DYNLT2B: variants seen among roughly 807,000 people sequenced by gnomAD.
DYNLT2B encodes the protein dynein light chain Tctex-type 2B.
A neutral mutation model predicts 19.5 loss-of-function variants in DYNLT2B; 14 were observed. The ratio of observed to expected loss-of-function variants is 0.72; its 90% CI spans 0.47 to 1.12. The LOEUF is 1.12. DYNLT2B is among the 50% of genes most tolerant of loss of function. The pLI is 0.00. For missense variants in DYNLT2B, 133 were observed against 174.7 expected (o/e 0.76, Z 1.35); for synonymous variants, 70 against 59.7 (o/e 1.17, Z -0.79).
chr3:196,310,109 C>CT (rs796738480), intron 2 of DYNLT2B, among the ~76,000 whole-genome samples: 5 of 93,458 alleles, frequency 5.3e-5, no homozygotes, highest in African/African-American at 1.1e-4. Flanking sequence ...AATTTTTTAA[C>CT]TTTTTTTTTG....
intron 2 of DYNLT2B, among the ~76,000 whole-genome samples, chr3:196,311,848 G>C (rs1024698213): frequency 6.6e-6 from 1 of 151,808 alleles, no homozygotes; most frequent in African/African-American, 2.4e-5. Context: ...GAGACGGGTG[G>C]GTCACCTGAG....
At chr3:196,305,780 G>C (rs1002442850) in intron 3 of DYNLT2B, 2 of 153,170 alleles carry the variant, frequency 1.3e-5, no homozygotes, top group Middle Eastern at 1.7e-3. Context: ...CAGCCTGGGT[G>C]AGGAAGCAAG....
chr3:196,291,408 G>C, intron 4 of DYNLT2B, 34 bp from the exon 5 acceptor site: 5 of 1,592,068 alleles, frequency 3.1e-6, no homozygotes, highest in Non-Finnish European at 4.3e-6. Context: ...CACACATCCA[G>C]AATGTTAGTA....
chr3:196,307,116 C>T, intron 2 of DYNLT2B, 104 bp from the exon 3 acceptor site: 1 of 945,910 alleles, frequency 1.1e-6, no homozygotes, highest in South Asian at 1.5e-5. Flanking sequence ...TCCACAAGTA[C>T]TTAATGAATA....
intron 3 of DYNLT2B, among the ~76,000 whole-genome samples, chr3:196,302,032 A>G (rs988798203): frequency 6.6e-5 from 10 of 151,896 alleles, no homozygotes; most frequent in Admixed American, 4.6e-4. Flanking sequence ...GCTTAAACCC[A>G]GGAGGTGAAG....
rs185249195 is a variant in DYNLT2B, at chr3:196,315,972, T to C, written c.247+126A>G. On this transcript the variant is annotated intron_variant, in intron 2 of 4. Transcript: ENST00000325318. ...TTCCTGCCTTGGCATGCTAAAGTGT[T>C]GGGATTGTAGGCGTGAGCCACCACA... is the stretch of plus-strand genomic sequence containing the variant. 1.2e-3 allele frequency: 1,264 copies of C among 1,022,356 alleles called. 2 individuals are homozygous for C. The highest frequency in any genetic ancestry group is 1.6e-3 in the Non-Finnish European group (1,116 of 713,658). The allele number at this position is 1,022,356 out of a possible 1,614,324, so 63.3% of individuals were successfully genotyped here.
chr3:196,317,884 C>G (rs1413345972), intron 1 of DYNLT2B, among the ~76,000 whole-genome samples, 156 bp downstream of exon 1: 1 of 151,974 alleles, frequency 6.6e-6, no homozygotes, highest in Non-Finnish European at 1.5e-5. Context: ...CCGGACGTCA[C>G]AGCAGGGCCG....
At chr3:196,317,920 T>C (rs1726925872) in intron 1 of DYNLT2B, 120 bp downstream of exon 1, 1 of 418,912 alleles carries the variant, frequency 2.4e-6, no homozygotes, top group East Asian at 4.6e-5. Context: ...GCCTCCCGCC[T>C]CCCGCCCCGC....
In DYNLT2B at chr3:196,314,920, G is replaced by A. The variant is rs116252880; in HGVS notation, c.247+1178C>T. Among the ~76,000 whole-genome samples the A allele has an allele frequency of 3.6e-3, 546 of 152,242 alleles. 3 individuals are homozygous for A. The highest frequency in any genetic ancestry group is 0.012 in the African/African-American group (514 of 41,528). Reference sequence around the variant, plus strand: ...TGCTCTACAGATGTAGTTTGGTAGGGGTCGAGGGTTGAGTAAGGGAAGTAG... The same window carrying A: ...TGCTCTACAGATGTAGTTTGGTAGGAGTCGAGGGTTGAGTAAGGGAAGTAG... On this transcript the variant is annotated intron_variant, in intron 2 of 4. Coordinates refer to ENST00000325318, the MANE Select transcript of DYNLT2B (RefSeq NM_152773.5).
At chr3:196,294,704 TC>T (rs940750672) in intron 4 of DYNLT2B, among the ~76,000 whole-genome samples, 2 of 152,130 alleles carry the variant, frequency 1.3e-5, no homozygotes, top group African/African-American at 2.4e-5. Context: ...GGAGATGGAA[TC>T]CCCCTCTTAT....
chr3:196,294,178 C>T (rs1449119766), intron 4 of DYNLT2B, among the ~76,000 whole-genome samples: 4 of 151,820 alleles, frequency 2.6e-5, no homozygotes, highest in Admixed American at 2.6e-4. Context: ...ATGGAGAAAC[C>T]CTGTCTCTAC....
intron 2 of DYNLT2B, chr3:196,315,246 T>C (rs1462822723): frequency 4.8e-6 from 2 of 420,914 alleles, no homozygotes; most frequent in African/African-American, 2.1e-5. Context: ...TTAATAGAGA[T>C]GTTTTATTTT....
intron 4 of DYNLT2B, 66 bp downstream of exon 4, chr3:196,295,940 G>T: frequency 7.7e-7 from 1 of 1,301,818 alleles, no homozygotes; most frequent in Non-Finnish European, 1.1e-6. Flanking sequence ...CCAATCAACA[G>T]TAAATAGTTT....
At chr3:196,295,475 A>T (rs1333663273) in intron 4 of DYNLT2B, among the ~76,000 whole-genome samples, 1 of 151,672 alleles carries the variant, frequency 6.6e-6, no homozygotes, top group African/African-American at 2.4e-5. Flanking sequence ...ACATCTTTTT[A>T]AAGATTCCTC....
chr3:196,296,557 TCTC>T (rs1193521745), intron 3 of DYNLT2B, among the ~76,000 whole-genome samples: 2 of 152,228 alleles, frequency 1.3e-5, no homozygotes, highest in African/African-American at 2.4e-5. Flanking sequence ...AATTGGCTAT[TCTC>T]CTCTCTGCAA....
intron 1 of DYNLT2B, among the ~76,000 whole-genome samples, chr3:196,316,914 GGT>G (rs796487163): frequency 4.5e-5 from 2 of 44,180 alleles, no homozygotes; most frequent in Non-Finnish European, 5.3e-5. Flanking sequence ...TGTGTTGTGT[GGT>G]GTGTGTGTGT....
chr3:196,298,840 T>C (rs1726282074), intron 3 of DYNLT2B, among the ~76,000 whole-genome samples: 1 of 152,190 alleles, frequency 6.6e-6, no homozygotes, highest in Non-Finnish European at 1.5e-5. Flanking sequence ...CTTGCTCAGG[T>C]AAAGAACAAA....
intron 3 of DYNLT2B, among the ~76,000 whole-genome samples, chr3:196,306,698 G>A (rs925771653): frequency 2.0e-5 from 3 of 151,906 alleles, no homozygotes; most frequent in Non-Finnish European, 2.9e-5. Context: ...ACAAGCGCAC[G>A]CCATCACACC....
intron 2 of DYNLT2B, among the ~76,000 whole-genome samples, chr3:196,312,620 G>A (rs1387940720): frequency 2.6e-5 from 4 of 151,006 alleles, no homozygotes; most frequent in African/African-American, 2.4e-5. Flanking sequence ...TACCACGCCC[G>A]GCTAATTTTT....
Sources: allele counts gnomAD v4.1 joint callset (sites outside exome capture counted in the v4.1 genomes callset), GRCh38; gene constraint gnomAD v4.1.1; transcripts MANE v1.5; gene names NCBI Gene and HGNC (gene_info 2026-07-23, HGNC 2026-07-21).